The following PRKD3 variants were observed in gnomAD, a reference collection of about 807,000 sequenced individuals.
The protein encoded by PRKD3 is protein kinase D3, also known as serine/threonine-protein kinase D3.
Under a neutral mutation model 99.2 loss-of-function variants are expected in PRKD3, and 47 were observed. The observed-to-expected ratio is 0.47, with a 90% confidence interval of 0.38 to 0.60. The LOEUF (loss-of-function observed/expected upper bound fraction) is 0.60. Among genes scored for constraint, PRKD3 ranks in the 20% least tolerant of loss-of-function variants. PRKD3 has a pLI of 0.00. For synonymous variants in PRKD3, 392 were observed against 355.4 expected, an observed-to-expected ratio of 1.10 and a Z score of -1.16; for missense variants, 1,019 against 1,088.4, an observed-to-expected ratio of 0.94 and a Z score of 0.90.
intron 2 of PRKD3, 72 bp from the exon 3 acceptor site, chr2:37,293,343 C>A: frequency 7.3e-7 from 1 of 1,369,860 alleles, no homozygotes; most frequent in Non-Finnish European, 9.7e-7. Context: ...TCAATTTTAT[C>A]AAAGAATTTA....
At chr2:37,299,705 C>A (rs576304964) in intron 2 of PRKD3, among the ~76,000 whole-genome samples, 18 of 151,938 alleles carry the variant, frequency 1.2e-4, no homozygotes, top group African/African-American at 4.3e-4. Context: ...AAAAGAAAAT[C>A]CAATTAAAAA....
Position 37,253,255 on chromosome 2 carries a change from A to G in PRKD3, c.2595T>C (p.His865=), listed in dbSNP as rs779222232. Residue 865 remains histidine, a synonymous_variant, in exon 19 of 19, where the codon CAT becomes CAC. Transcript: ENST00000234179. ...GGTATACAAGGTTATGTGTGTATGC[A>G]TGTATTTCCCAGCGAGCATCATCAC... ...HESDDARWEI[H]AYTHNLVYPK... 11 of 1,612,710 alleles carry G rather than the reference A, an allele frequency of 6.8e-6. No homozygotes were observed. Among genetic ancestry groups the G allele is most frequent in the Non-Finnish European group, 9.3e-6 (11 of 1,178,920 alleles).
intron 17 of PRKD3, 131 bp downstream of exon 17, chr2:37,256,531 T>G (rs1489449114): frequency 1.7e-6 from 2 of 1,204,878 alleles, no homozygotes; most frequent in Admixed American, 3.0e-5. Context: ...CTAGTTGAAT[T>G]TGGAAGATGA....
rs1667681196 is a variant in PRKD3 at position 37,253,479 on chromosome 2, GTATC to G, written c.2500-133_2500-130del. ...AATAATTGACAGGCGCTACTCATAA[GTATC>G]TACTATGTACTAAGTTCTACTTGTG... is the stretch of plus-strand genomic sequence containing the variant. On this transcript the variant is annotated intron_variant, in intron 18 of 18. Coordinates refer to ENST00000234179, the MANE Select transcript of PRKD3 (RefSeq NM_005813.6). The G allele has an allele frequency of 2.1e-4, 149 of 696,256 alleles. 1 individual carries two copies. In the East Asian group the frequency reaches 3.9e-3, roughly 18 times the overall value. The allele number at this position is 696,256 out of a possible 1,614,324, so 43.1% of individuals were successfully genotyped here.
In PRKD3 at chr2:37,282,738, A is replaced by C. The variant is rs187448712; in HGVS notation, c.911-119T>G. ...TTATTAGTAATGATGATATTAAAAT[A>C]ATAACCACCTACAAGTCACTTTAGC... On this transcript the variant is annotated intron_variant, in intron 6 of 18. Coordinates refer to ENST00000234179, the MANE Select transcript of PRKD3 (RefSeq NM_005813.6). The C allele has an allele frequency of 2.1e-4, 149 of 725,548 alleles. No homozygotes were observed. In the East Asian group the frequency reaches 3.9e-3, roughly 19 times the overall value. 44.9% of individuals were successfully genotyped at this position (725,548 alleles called of 1,614,324 possible).
At chr2:37,323,434 CT>C (rs2124915178) in intron 1 of PRKD3, among the ~76,000 whole-genome samples, 1 of 152,054 alleles carries the variant, frequency 6.6e-6, no homozygotes, top group African/African-American at 2.4e-5. Flanking sequence ...GAAGAAAAAC[CT>C]TCCACGGTTT....
chr2:37,318,091 GAA>G (rs1671739447), intron 1 of PRKD3, among the ~76,000 whole-genome samples: 2 of 151,968 alleles, frequency 1.3e-5, no homozygotes, highest in South Asian at 4.2e-4. Context: ...CCAATGAAGA[GAA>G]AGAGTAAATC....
intron 9 of PRKD3, among the ~76,000 whole-genome samples, chr2:37,276,989 A>G (rs1405199153): frequency 6.6e-6 from 1 of 152,106 alleles, no homozygotes; most frequent in Non-Finnish European, 1.5e-5. Context: ...TTCAAGTTAC[A>G]TTCGCAAGGA....
At chr2:37,258,431 A>G (rs981937750) in intron 16 of PRKD3, among the ~76,000 whole-genome samples, 3 of 152,238 alleles carry the variant, frequency 2.0e-5, no homozygotes, top group South Asian at 2.1e-4. Flanking sequence ...AAGTTTGGCA[A>G]CTGATTAAAG....
chr2:37,315,862 C>T (rs895551812), intron 2 of PRKD3, among the ~76,000 whole-genome samples: 14 of 152,288 alleles, frequency 9.2e-5, no homozygotes, highest in African/African-American at 2.9e-4. Context: ...GTAGCTTGGA[C>T]TACAGGTGCC....
At chr2:37,314,666 G>C (rs138908375) in intron 2 of PRKD3, among the ~76,000 whole-genome samples, 28 of 150,214 alleles carry the variant, frequency 1.9e-4, no homozygotes, top group Admixed American at 7.4e-4. Flanking sequence ...AATTTCCAAA[G>C]ATTGAAAACT....
intron 14 of PRKD3, among the ~76,000 whole-genome samples, chr2:37,260,937 G>C (rs1263312362): frequency 1.3e-5 from 2 of 152,162 alleles, no homozygotes; most frequent in Non-Finnish European, 2.9e-5. Context: ...GATACACAAA[G>C]ATGAATGCCA....
intron 2 of PRKD3, among the ~76,000 whole-genome samples, chr2:37,299,925 A>C (rs911411803): frequency 6.6e-6 from 1 of 152,310 alleles, no homozygotes; most frequent in East Asian, 1.9e-4. Flanking sequence ...ATGCTTATAC[A>C]CTATTGGTGG....
intron 6 of PRKD3, among the ~76,000 whole-genome samples, chr2:37,285,692 T>C (rs1038874160): frequency 2.0e-5 from 3 of 152,188 alleles, no homozygotes; most frequent in African/African-American, 7.2e-5. Flanking sequence ...CTATTCTGTA[T>C]TGGGAAGTGA....
At chr2:37,263,215 G>A (rs1035096702) in intron 14 of PRKD3, among the ~76,000 whole-genome samples, 2 of 152,094 alleles carry the variant, frequency 1.3e-5, no homozygotes, top group Admixed American at 6.5e-5. Flanking sequence ...TGATATATAT[G>A]CAGTATTTTC....
rs552274431 is a variant in PRKD3, at chr2:37,315,488, A to G, written c.288+749T>C. ...GAATCTTCCTAAACAAGATCTAAAG[A>G]GAAGGAAATGGATAAAAAAAAGAGG... On this transcript the variant is annotated intron_variant, in intron 2 of 18. Coordinates refer to ENST00000234179, the MANE Select transcript of PRKD3 (RefSeq NM_005813.6). 5.9e-5 allele frequency among the ~76,000 whole-genome samples: 9 copies of G among 152,280 alleles called. No individual in the cohort carries two copies. In the East Asian group the frequency reaches 1.5e-3, roughly 26 times the overall value.
rs1280678581 is a variant in PRKD3 at position 37,251,246 on chromosome 2, A to G, written c.*1931T>C. ...ATTTGATTTAATCTTTGAAGCTTCTATAGAAGGACAAATTACCAAGAGGGG... is the reference window on the plus strand; with the variant it reads ...ATTTGATTTAATCTTTGAAGCTTCTGTAGAAGGACAAATTACCAAGAGGGG... On this transcript the variant is annotated 3_prime_UTR_variant, in exon 19 of 19. Transcript: ENST00000234179. The G allele has an allele frequency of 6.6e-6, 1 of 152,590 alleles. No individual in the cohort carries two copies. The highest frequency in any genetic ancestry group is 2.4e-5 in the African/African-American group (1 of 41,442). 9.5% of individuals were successfully genotyped at this position (152,590 alleles called of 1,614,324 possible). A position where few individuals can be genotyped will look rare whatever the true frequency, so the allele number is the denominator to read the frequency against.
intron 16 of PRKD3, among the ~76,000 whole-genome samples, chr2:37,257,658 C>A (rs1668069433): frequency 1.0e-5 from 1 of 97,690 alleles, no homozygotes; most frequent in African/African-American, 3.7e-5. Flanking sequence ...AGAGTGAAGA[C>A]TCTGTCTCAA....
intron 15 of PRKD3, 35 bp from the exon 16 acceptor site, chr2:37,259,716 G>A: frequency 1.4e-6 from 2 of 1,468,414 alleles, no homozygotes; most frequent in Non-Finnish European, 1.9e-6. Flanking sequence ...TCAATGTCTG[G>A]AAAATCACAA....
Sources: allele counts gnomAD v4.1 joint callset (sites outside exome capture counted in the v4.1 genomes callset), GRCh38; gene constraint gnomAD v4.1.1; transcripts MANE v1.5; gene names NCBI Gene and HGNC (gene_info 2026-07-23, HGNC 2026-07-21).